The following SNTB1 variants were observed in gnomAD, a reference collection of about 807,000 sequenced individuals.
SNTB1 encodes syntrophin beta 1.
SNTB1 carries 36 observed loss-of-function variants against 48.9 expected under a neutral mutation model. The ratio of observed to expected loss-of-function variants is 0.74; its 90% CI spans 0.56 to 0.97. The LOEUF (loss-of-function observed/expected upper bound fraction) is 0.97, where lower values mean the gene tolerates loss of function less well. Ranked by LOEUF, SNTB1 falls within the 50% of genes least tolerant of loss-of-function variation. The pLI, the probability that SNTB1 is intolerant of heterozygous loss-of-function variation, is 0.00. For synonymous variants in SNTB1, 299 were observed against 294.6 expected (o/e 1.01, Z -0.15); for missense variants, 786 against 703.4 (o/e 1.12, Z -1.33).
At chr8:120,774,168 T>C (rs1407187189) in intron 1 of SNTB1, among the ~76,000 whole-genome samples, 1 of 152,192 alleles carries the variant, frequency 6.6e-6, no homozygotes, top group Non-Finnish European at 1.5e-5. Flanking sequence ...AAGACTTAAA[T>C]GTGGAGAGAG....
intron 1 of SNTB1, among the ~76,000 whole-genome samples, chr8:120,791,693 T>A (rs1315214963): frequency 6.6e-6 from 1 of 151,800 alleles, no homozygotes; most frequent in Non-Finnish European, 1.5e-5. Flanking sequence ...CCAACAAACA[T>A]GAAAAAATGC....
chr8:120,538,511 G>A lies in SNTB1; in HGVS notation c.*366C>T, dbSNP rs1301503879. Reference sequence around the variant, plus strand: ...CATTTCTCAACTATTCGGCCCTTGCGTACCTGGTGAACAAGTTGCCTAGGA... The same window carrying A: ...CATTTCTCAACTATTCGGCCCTTGCATACCTGGTGAACAAGTTGCCTAGGA... On this transcript the variant is annotated 3_prime_UTR_variant, in exon 7 of 7. Coordinates refer to ENST00000517992, the MANE Select transcript of SNTB1 (RefSeq NM_021021.4). 3.1e-5 allele frequency: 12 copies of A among 381,612 alleles called. No homozygotes were observed. The highest frequency in any genetic ancestry group is 1.4e-4 in the South Asian group (7 of 51,112). The allele number at this position is 381,612 out of a possible 1,614,324, so 23.6% of individuals were successfully genotyped here. A position where few individuals can be genotyped will look rare whatever the true frequency, so the allele number is the denominator to read the frequency against.
chr8:120,570,382 C>T (rs1209087137), intron 4 of SNTB1: 1 of 152,166 alleles, frequency 6.6e-6, no homozygotes, highest in Admixed American at 6.6e-5. Flanking sequence ...CTTATCATCC[C>T]CAAAGACTCC....
At chr8:120,670,119 C>T (rs1309811921) in intron 2 of SNTB1, among the ~76,000 whole-genome samples, 1 of 152,152 alleles carries the variant, frequency 6.6e-6, no homozygotes. Flanking sequence ...TGTTGAGCAC[C>T]TATTATGTGC....
intron 1 of SNTB1, among the ~76,000 whole-genome samples, chr8:120,759,281 G>T (rs116771118): frequency 0.023 from 3,498 of 152,220 alleles, 134 homozygotes; most frequent in African/African-American, 0.08. Context: ...CCTTCAGAGG[G>T]CAAAGCAAGT....
intron 3 of SNTB1, among the ~76,000 whole-genome samples, chr8:120,605,572 T>C (rs1816500376): frequency 6.6e-6 from 1 of 152,220 alleles, no homozygotes; most frequent in South Asian, 2.1e-4. Context: ...TACTGTGTAT[T>C]AGTGACTCCT....
chr8:120,655,036 G>A, intron 2 of SNTB1: 1 of 453,516 alleles, frequency 2.2e-6, no homozygotes, highest in Non-Finnish European at 4.4e-6. Context: ...TCCTATGGCT[G>A]ATGAAAAATA....
chr8:120,732,571 G>A (rs1490543250), intron 1 of SNTB1, among the ~76,000 whole-genome samples: 5 of 152,074 alleles, frequency 3.3e-5, no homozygotes, highest in African/African-American at 9.7e-5. Flanking sequence ...ACTTGCAGGC[G>A]GCCACTCAAT....
intron 3 of SNTB1, among the ~76,000 whole-genome samples, chr8:120,622,536 G>A (rs897451223): frequency 1.3e-5 from 2 of 152,178 alleles, no homozygotes; most frequent in Non-Finnish European, 2.9e-5. Context: ...CTCTGAAAAT[G>A]ATGTTTGAGA....
At chr8:120,569,570 G>T (rs1324470173) in intron 4 of SNTB1, among the ~76,000 whole-genome samples, 1 of 152,178 alleles carries the variant, frequency 6.6e-6, no homozygotes, top group Admixed American at 6.5e-5. Flanking sequence ...GAGCCTGCGA[G>T]ACGACATCCC....
chr8:120,800,245 C>T (rs1346728372), intron 1 of SNTB1, among the ~76,000 whole-genome samples: 2 of 151,896 alleles, frequency 1.3e-5, no homozygotes, highest in South Asian at 4.2e-4. Context: ...AAGCCCCACG[C>T]CAACTTTATA....
At chr8:120,644,435 A>G (rs1244974661) in intron 2 of SNTB1, among the ~76,000 whole-genome samples, 1 of 151,194 alleles carries the variant, frequency 6.6e-6, no homozygotes, top group Non-Finnish European at 1.5e-5. Context: ...TTCTTGCGAT[A>G]GTTTACTGAG....
chr8:120,806,252 G>A (rs1198632820), intron 1 of SNTB1, among the ~76,000 whole-genome samples: 2 of 152,178 alleles, frequency 1.3e-5, no homozygotes, highest in Non-Finnish European at 2.9e-5. Flanking sequence ...ATTTAGTGAA[G>A]GAAGCCAGGG....
At chr8:120,563,092 T>C (rs1815689730) in intron 4 of SNTB1, among the ~76,000 whole-genome samples, 1 of 152,006 alleles carries the variant, frequency 6.6e-6, no homozygotes, top group African/African-American at 2.4e-5. Context: ...AGTGTCGCCC[T>C]TTTTACAAGC....
chr8:120,595,355 C>T (rs1043233409), intron 3 of SNTB1, among the ~76,000 whole-genome samples: 6 of 152,126 alleles, frequency 3.9e-5, no homozygotes, highest in African/African-American at 1.4e-4. Context: ...ACCAAGGTGG[C>T]AACAAGAGTG....
chr8:120,548,710 G>A (rs1017909550), intron 5 of SNTB1, 52 bp downstream of exon 5: 18 of 1,539,892 alleles, frequency 1.2e-5, no homozygotes, highest in Non-Finnish European at 1.5e-5. Flanking sequence ...GTGGAGTAGA[G>A]GGTTCATCTT....
At chr8:120,580,640 A>G (rs978807741) in intron 3 of SNTB1, among the ~76,000 whole-genome samples, 1 of 152,228 alleles carries the variant, frequency 6.6e-6, no homozygotes, top group African/African-American at 2.4e-5. Flanking sequence ...TTATCTCGAC[A>G]ACTTTTTAAT....
chr8:120,793,232 G>A (rs1207822923), intron 1 of SNTB1, among the ~76,000 whole-genome samples: 1 of 152,020 alleles, frequency 6.6e-6, no homozygotes, highest in East Asian at 1.9e-4. Context: ...GAGGGTGGGG[G>A]AAAGAGAGGT....
At chr8:120,629,929 C>T (rs1206837160) in intron 3 of SNTB1, among the ~76,000 whole-genome samples, 1 of 152,162 alleles carries the variant, frequency 6.6e-6, no homozygotes, top group Non-Finnish European at 1.5e-5. Flanking sequence ...AATAATATGT[C>T]TGCTAATAAT....
Sources: gnomAD v4.1 joint callset for allele counts (sites outside exome capture counted in the v4.1 genomes callset) on GRCh38, gnomAD v4.1.1 for gene constraint, MANE v1.5 for transcripts, NCBI Gene and HGNC (gene_info 2026-07-23, HGNC 2026-07-21) for gene names.